The following CDH4 variants were observed in gnomAD, a reference collection of about 807,000 sequenced individuals.
The protein encoded by CDH4 is cadherin 4.
A neutral mutation model predicts 86.0 loss-of-function variants in CDH4; 33 were observed. The ratio of observed to expected loss-of-function variants is 0.38; its 90% confidence interval spans 0.29 to 0.51. The LOEUF (loss-of-function observed/expected upper bound fraction) is 0.51, where lower values mean the gene tolerates loss of function less well. Among genes scored for constraint, CDH4 ranks in the 20% least tolerant of loss-of-function variants. CDH4 has a pLI of 0.86. For missense variants in CDH4, 1,114 were observed against 1,307.4 expected (o/e 0.85, Z 2.28); for synonymous variants, 555 against 549.4 (o/e 1.01, Z -0.14).
chr20:61,764,307 C>A (rs1048376937), intron 3 of CDH4, among the ~76,000 whole-genome samples: 4 of 152,222 alleles, frequency 2.6e-5, no homozygotes, highest in African/African-American at 9.6e-5. Context: ...TCCAGTCGAA[C>A]GGAAGTTGTC....
chr20:61,601,703 G>A, intron 2 of CDH4, among the ~76,000 whole-genome samples: 1 of 152,210 alleles, frequency 6.6e-6, no homozygotes, highest in East Asian at 1.9e-4. Context: ...AGTTGCACCT[G>A]GCGGGGCGCA....
At chr20:61,293,366 C>A (rs1225085559) in intron 2 of CDH4, among the ~76,000 whole-genome samples, 2 of 152,072 alleles carry the variant, frequency 1.3e-5, no homozygotes, top group Non-Finnish European at 2.9e-5. Flanking sequence ...GCACAGTTAC[C>A]CCGGTATCTG....
At chr20:61,568,654 C>G (rs1286603219) in intron 2 of CDH4, among the ~76,000 whole-genome samples, 1 of 152,226 alleles carries the variant, frequency 6.6e-6, no homozygotes, top group Non-Finnish European at 1.5e-5. Context: ...TTGGCACTTG[C>G]TGTTCCTTCT....
At chr20:61,420,741 G>A (rs2085172971) in intron 2 of CDH4, among the ~76,000 whole-genome samples, 1 of 152,268 alleles carries the variant, frequency 6.6e-6, no homozygotes, top group African/African-American at 2.4e-5. Context: ...ATAGGGTGTG[G>A]CATGTCCCAC....
chr20:61,805,657 C>CTA (rs923779343), intron 4 of CDH4, among the ~76,000 whole-genome samples: 1 of 152,162 alleles, frequency 6.6e-6, no homozygotes, highest in African/African-American at 2.4e-5. Flanking sequence ...CCCAACCTAC[C>CTA]GCATGGCAGA....
intron 2 of CDH4, among the ~76,000 whole-genome samples, chr20:61,336,400 C>A (rs1048498572): frequency 5.9e-5 from 9 of 152,196 alleles, no homozygotes; most frequent in Admixed American, 4.6e-4. Context: ...TGATTCTTCC[C>A]TGATTCCTCC....
chr20:61,528,271 G>A (rs147534174), intron 2 of CDH4, among the ~76,000 whole-genome samples: 6,923 of 151,226 alleles, frequency 0.046, 230 homozygotes, highest in Middle Eastern at 0.092. Flanking sequence ...CAGCTACTCA[G>A]TAGGCTGAGG....
intron 2 of CDH4, among the ~76,000 whole-genome samples, chr20:61,716,419 C>G (rs2087955252): frequency 6.6e-6 from 1 of 152,214 alleles, no homozygotes; most frequent in African/African-American, 2.4e-5. Flanking sequence ...CACCTATGAG[C>G]TGCCTCTTGC....
intron 12 of CDH4, 141 bp downstream of exon 12, chr20:61,928,564 C>A (rs933771957): frequency 1.4e-6 from 1 of 693,096 alleles, no homozygotes; most frequent in African/African-American, 1.8e-5. Context: ...GCTGGGGACA[C>A]TGGCCACGCT....
chr20:61,900,002 A>G (rs569745922), intron 8 of CDH4, among the ~76,000 whole-genome samples: 7 of 152,164 alleles, frequency 4.6e-5, no homozygotes, highest in South Asian at 4.1e-4. Flanking sequence ...TCCCTCCCCA[A>G]GCCGCCCGAG....
chr20:61,516,461 C>A lies in CDH4; in HGVS notation c.170-227102C>A, dbSNP rs368686379. On this transcript the variant is annotated intron_variant, in intron 2 of 15. Transcript: ENST00000614565. The surrounding 1 kb of genome is among the most constrained non-coding windows in gnomAD (Gnocchi z 4.0). The stretch of plus-strand genomic sequence containing the variant: ...CCGCTGCGGCTTCCATTTTACAGAC[C>A]GGGAGGCAGAGCCCCAGAGGTCAAG... 6.6e-6 allele frequency among the ~76,000 whole-genome samples: 1 copy of A among 152,108 alleles called. No homozygotes were observed. Among genetic ancestry groups the A allele is most frequent in the Non-Finnish European group, 1.5e-5 (1 of 68,028 alleles).
chr20:61,720,078 G>A (rs2088016064), intron 2 of CDH4, among the ~76,000 whole-genome samples: 1 of 152,110 alleles, frequency 6.6e-6, no homozygotes, highest in South Asian at 2.1e-4. Flanking sequence ...AGGGCAGTCG[G>A]CGGTGGGGGT....
chr20:61,817,761 G>A (rs1010282029), intron 4 of CDH4, among the ~76,000 whole-genome samples: 10 of 152,224 alleles, frequency 6.6e-5, no homozygotes, highest in African/African-American at 1.9e-4. Context: ...CACCAGCAGG[G>A]AGGAGGCCAG....
intron 2 of CDH4, among the ~76,000 whole-genome samples, chr20:61,742,131 A>AG (rs1269552765): frequency 6.9e-6 from 1 of 145,866 alleles, no homozygotes; most frequent in Non-Finnish European, 1.5e-5. Context: ...GTCACTTCAA[A>AG]AAAAAAAAAT....
chr20:61,257,165 A>G (rs771421831), intron 2 of CDH4, among the ~76,000 whole-genome samples: 8 of 152,236 alleles, frequency 5.3e-5, no homozygotes, highest in Non-Finnish European at 8.8e-5. Context: ...GAAGCTTCAC[A>G]GAGTGGCCAT....
intron 2 of CDH4, among the ~76,000 whole-genome samples, chr20:61,678,556 G>A (rs943369170): frequency 7.2e-5 from 11 of 152,224 alleles, no homozygotes; most frequent in African/African-American, 1.2e-4. Flanking sequence ...CTGGGTGCCC[G>A]TGTCAGTTTC....
chr20:61,731,574 C>G (rs1000746792), intron 2 of CDH4, among the ~76,000 whole-genome samples: 1 of 152,208 alleles, frequency 6.6e-6, no homozygotes, highest in Non-Finnish European at 1.5e-5. Flanking sequence ...TCCTGCTGCT[C>G]AGCAGATTCC....
chr20:61,352,875 G>C (rs1006911626), intron 2 of CDH4, among the ~76,000 whole-genome samples: 7 of 152,116 alleles, frequency 4.6e-5, no homozygotes, highest in Admixed American at 2.6e-4. Flanking sequence ...CCTGTGAGAC[G>C]CTGCGGACAA....
At chr20:61,925,099 G>A (rs149391484) in intron 11 of CDH4, among the ~76,000 whole-genome samples, 80 of 152,216 alleles carry the variant, frequency 5.3e-4, no homozygotes, top group Non-Finnish European at 8.4e-4. Context: ...GCAAGGTCCC[G>A]GGGCAGGCGG....
Sources: allele counts gnomAD v4.1 joint callset (sites outside exome capture counted in the v4.1 genomes callset), GRCh38; gene constraint gnomAD v4.1.1; non-coding constraint Gnocchi (gnomAD v3.1); transcripts MANE v1.5; gene names NCBI Gene and HGNC (gene_info 2026-07-23, HGNC 2026-07-21).